SETD4: variants seen among roughly 807,000 people sequenced by gnomAD.
SETD4 encodes SET domain-containing protein 4.
A neutral mutation model predicts 58.3 loss-of-function variants in SETD4; 46 were observed. The ratio of observed to expected loss-of-function variants is 0.79; its 90% CI spans 0.62 to 1.01. SETD4 has a LOEUF of 1.01. Ranked by LOEUF, SETD4 falls within the 50% of genes least tolerant of loss-of-function variation. The pLI is 0.00. For missense variants in SETD4, 490 were observed against 523.3 expected (o/e 0.94, Z 0.62); for synonymous variants, 190 against 202.6 (o/e 0.94, Z 0.53).
rs2063877567 is a variant in SETD4 at position 36,038,282 on chromosome 21, A to G, written c.1065-9T>C. The G allele has an allele frequency of 6.2e-7, 1 of 1,606,186 alleles. No individual in the cohort carries two copies. Among genetic ancestry groups the G allele is most frequent in the Non-Finnish European group, 8.5e-7 (1 of 1,178,096 alleles). Reference sequence around the variant, plus strand: ...CTTTTTTCCAGCATGTACTAGAACCAAAATGTTCCATGACACAATTTTAGC... The same window carrying G: ...CTTTTTTCCAGCATGTACTAGAACCGAAATGTTCCATGACACAATTTTAGC... On this transcript the variant is annotated splice_polypyrimidine_tract_variant and intron_variant, in intron 9 of 11. Coordinates refer to ENST00000332131, the MANE Select transcript of SETD4 (RefSeq NM_017438.5).
Position 36,043,806 on chromosome 21 carries a change from G to A in SETD4, c.877C>T (p.His293Tyr), listed in dbSNP as rs201937761. Residue 293 changes from histidine (H) to tyrosine (Y), a missense_variant, in exon 7 of 12, where the codon CAT becomes TAT. Coordinates refer to ENST00000332131, the MANE Select transcript of SETD4 (RefSeq NM_017438.5). ...CCTCTTGAGACATAAACACAAGCAT[G>A]AGGATTATGGACAGAAACAAATCCG... ...EYGFVSVHNPHACVYVSREIL... is the reference protein window; with the variant it reads ...EYGFVSVHNPYACVYVSREIL... The A allele has an allele frequency of 1.4e-5, 23 of 1,614,198 alleles. No individual in the cohort carries two copies. The highest frequency in any genetic ancestry group is 1.8e-5 in the Non-Finnish European group (21 of 1,180,034).
intron 3 of SETD4, among the ~76,000 whole-genome samples, 200 bp downstream of exon 3, chr21:36,056,909 G>C (rs184392524): frequency 1.3e-5 from 2 of 152,322 alleles, no homozygotes; most frequent in East Asian, 3.9e-4. Flanking sequence ...AAGAATGTCA[G>C]TCTACCTCAG....
intron 5 of SETD4, among the ~76,000 whole-genome samples, chr21:36,048,020 A>G (rs987374296): frequency 7.3e-6 from 1 of 136,900 alleles, no homozygotes; most frequent in Non-Finnish European, 1.6e-5. Flanking sequence ...GAGAGAGAGA[A>G]AGAGAGAGAG....
intron 4 of SETD4, chr21:36,050,564 C>A: frequency 6.2e-7 from 1 of 1,613,924 alleles, no homozygotes; most frequent in African/African-American, 1.3e-5. Context: ...TTAATAAGTT[C>A]TGGACATTTC....
At chr21:36,057,358 A>G (rs1264076319) in intron 2 of SETD4, 154 bp from the exon 3 acceptor site, 9 of 740,380 alleles carry the variant, frequency 1.2e-5, no homozygotes, top group South Asian at 4.4e-5. Flanking sequence ...ATAAAAACAC[A>G]GTATTGGCCA....
In SETD4 at chr21:36,045,800, A is replaced by G. The variant is rs762904082; in HGVS notation, c.508T>C (p.Phe170Leu). The G allele has an allele frequency of 1.2e-6, 2 of 1,614,094 alleles. No homozygotes were observed. The highest frequency in any genetic ancestry group is 3.3e-5 in the Admixed American group (2 of 60,006). Residue 170 changes from phenylalanine (F) to leucine (L), a missense_variant, in exon 6 of 12, where the codon TTT becomes CTT. Physicochemically the swap from Phe to Leu is conservative, Grantham distance 22. Coordinates refer to ENST00000332131, the MANE Select transcript of SETD4 (RefSeq NM_017438.5). The stretch of plus-strand genomic sequence containing the variant: ...GAGAAAAAGTCTCTGGAGGAAGCAA[A>G]GAACTCCTGCACGTGGGCTCTCTGC... ...EEQRAHVQEF[F>L]ASSRDFFSSL...
rs763225844 is a variant in SETD4 at position 36,043,997 on chromosome 21, G to A, written c.727-41C>T. On this transcript the variant is annotated intron_variant, in intron 6 of 11. Transcript: ENST00000332131. ...GTTAAGGTATTTTTTAAAGTAAGGT[G>A]TAAAACTCCAAAGCTGATTAAGTTA... is the stretch of plus-strand genomic sequence containing the variant. The A allele has an allele frequency of 2.5e-6, 4 of 1,597,298 alleles. No individual in the cohort carries two copies. The Admixed American group carries it at 6.9e-5, about 28-fold the overall frequency.
chr21:36,059,154 C>A, intron 1 of SETD4: 1 of 353,392 alleles, frequency 2.8e-6, no homozygotes, highest in Non-Finnish European at 4.9e-6. Flanking sequence ...CCCATTATAT[C>A]AGTCCCTCTA....
At chr21:36,047,783 G>A (rs2064405329) in intron 5 of SETD4, among the ~76,000 whole-genome samples, 1 of 141,026 alleles carries the variant, frequency 7.1e-6, no homozygotes, top group Non-Finnish European at 1.5e-5. Context: ...AAGGTCAGGA[G>A]CTCAAGACGA....
rs2064586850 is a variant in SETD4 at position 36,050,252 on chromosome 21, G to C, written c.208-1856C>G. 3 of 1,509,222 alleles carry C rather than the reference G, an allele frequency of 2.0e-6. No homozygotes were observed. The Admixed American group carries it at 5.0e-5, about 25-fold the overall frequency. The allele number at this position is 1,509,222 out of a possible 1,614,324, so 93.5% of individuals were successfully genotyped here. A position where few individuals can be genotyped will look rare whatever the true frequency, so the allele number is the denominator to read the frequency against. ...ACGTGGCTGCCAAGTTGTGGTTTTT[G>C]ATAGATTGTCCCATCAGGGAAGACT... On this transcript the variant is annotated intron_variant, in intron 4 of 11. Coordinates refer to ENST00000332131, the MANE Select transcript of SETD4 (RefSeq NM_017438.5).
intron 1 of SETD4, chr21:36,059,619 C>G (rs559329774): frequency 4.5e-4 from 232 of 517,886 alleles, no homozygotes; most frequent in Non-Finnish European, 5.5e-4. Flanking sequence ...TCTCAGGAGG[C>G]GGAAGCTGCA....
intron 9 of SETD4, 105 bp from the exon 10 acceptor site, chr21:36,038,378 A>G (rs2063883945): frequency 2.2e-6 from 3 of 1,355,406 alleles, no homozygotes; most frequent in East Asian, 2.3e-5. Context: ...CTCCAGGAGC[A>G]TAATACAACT....
chr21:36,053,495 G>T, intron 4 of SETD4, 88 bp downstream of exon 4: 1 of 1,336,690 alleles, frequency 7.5e-7, no homozygotes, highest in Non-Finnish European at 1.1e-6. Flanking sequence ...CTGTATGTCT[G>T]AAATTTTTTT....
intron 1 of SETD4, chr21:36,059,755 A>T (rs1350226993): frequency 1.0e-6 from 1 of 985,330 alleles, no homozygotes; most frequent in Non-Finnish European, 1.2e-6. Context: ...GGCAGAAATG[A>T]GCAAGAGACA....
In SETD4 at chr21:36,055,529, A is replaced by T. The variant is rs143372147; in HGVS notation, c.169+1580T>A. The stretch of plus-strand genomic sequence containing the variant: ...AAAGAAGAGAGAGTCTAAAGATGGA[A>T]TCCTGCTTAGGAGATTTCCTGTGCC... On this transcript the variant is annotated intron_variant, in intron 3 of 11. Coordinates refer to ENST00000332131, the MANE Select transcript of SETD4 (RefSeq NM_017438.5). Among the ~76,000 whole-genome samples, 475 of 152,334 alleles carry T rather than the reference A, an allele frequency of 3.1e-3. 1 individual carries two copies. The highest frequency in any genetic ancestry group is 3.7e-3 in the Non-Finnish European group (251 of 68,028).
At chr21:36,058,171 C>T (rs779563655) in intron 2 of SETD4, among the ~76,000 whole-genome samples, 11 of 152,128 alleles carry the variant, frequency 7.2e-5, no homozygotes, top group Non-Finnish European at 1.6e-4. Flanking sequence ...TAAAAGAATA[C>T]AATGGCACCA....
Position 36,057,110 on chromosome 21 carries a change from T to C in SETD4, c.168A>G (p.Pro56=), listed in dbSNP as rs1355237483. ...QDSNLAPACF[P]GTGRGLMSQT... The stretch of plus-strand genomic sequence containing the variant: ...GGACAGCTGAAGGCTAGATCTTACC[T>C]GGAAAACAAGCAGGCGCTAAGTTTG... Residue 56 remains proline (P), a splice_region_variant and synonymous_variant, in exon 3 of 12, where the codon CCA becomes CCG. Coordinates refer to ENST00000332131, the MANE Select transcript of SETD4 (RefSeq NM_017438.5). The C allele has an allele frequency of 6.2e-7, 1 of 1,613,708 alleles. No individual in the cohort carries two copies. The highest frequency in any genetic ancestry group is 8.5e-7 in the Non-Finnish European group (1 of 1,179,610).
At chr21:36,056,068 C>G (rs1472610941) in intron 3 of SETD4, among the ~76,000 whole-genome samples, 1 of 152,102 alleles carries the variant, frequency 6.6e-6, no homozygotes, top group East Asian at 1.9e-4. Context: ...CAATATGGTT[C>G]ATGACCATCA....
At chr21:36,050,266 T>C in intron 4 of SETD4, 2 of 1,551,570 alleles carry the variant, frequency 1.3e-6, no homozygotes, top group Non-Finnish European at 1.8e-6. Flanking sequence ...GATTGTCCCA[T>C]CAGGGAAGAC....
Sources: gnomAD v4.1 joint callset for allele counts (sites outside exome capture counted in the v4.1 genomes callset) on GRCh38, gnomAD v4.1.1 for gene constraint, MANE v1.5 for transcripts, NCBI Gene and HGNC (gene_info 2026-07-23, HGNC 2026-07-21) for gene names.